Variants in MIS18A observed in about 807,000 individuals in gnomAD.
MIS18A encodes protein Mis18-alpha.
A neutral mutation model predicts 25.0 loss-of-function variants in MIS18A; 14 were observed. The ratio of observed to expected loss-of-function variants is 0.56; its 90% CI spans 0.37 to 0.88. The LOEUF (loss-of-function observed/expected upper bound fraction) is 0.88, where lower values mean the gene tolerates loss of function less well. Ranked by LOEUF, MIS18A falls within the 40% of genes least tolerant of loss-of-function variation. MIS18A has a pLI of 0.00. For synonymous variants in MIS18A, 134 were observed against 118.6 expected, an observed-to-expected ratio of 1.13 and a Z score of -0.84; for missense variants, 292 against 290.8, an observed-to-expected ratio of 1.00 and a Z score of -0.03.
chr21:32,196,700 C>T, the MIS18A span, among the ~76,000 whole-genome samples: 4 of 152,078 alleles, frequency 2.6e-5, no homozygotes, highest in Non-Finnish European at 4.4e-5. Flanking sequence ...ATGATCCGCC[C>T]GCCTTGGCCT....
At chr21:32,239,982 A>G in the MIS18A span, among the ~76,000 whole-genome samples, 13 of 152,244 alleles carry the variant, frequency 8.5e-5, no homozygotes, top group African/African-American at 2.2e-4. Context: ...TCTGGGTACT[A>G]TTGAAACAAA....
chr21:32,265,117 G>A (rs2031569084), downstream of MIS18A, among the ~76,000 whole-genome samples: 1 of 152,182 alleles, frequency 6.6e-6, no homozygotes. Flanking sequence ...GCTGGGTCCC[G>A]TGTGGTTTGG....
At chr21:32,220,945 GAAAC>G in the MIS18A span, among the ~76,000 whole-genome samples, 2 of 151,956 alleles carry the variant, frequency 1.3e-5, no homozygotes. Context: ...ATAATGAAAA[GAAAC>G]AAACAAAGCC....
At chr21:32,270,203 T>C (rs935021986) in intron 3 of MIS18A, among the ~76,000 whole-genome samples, 39 of 152,124 alleles carry the variant, frequency 2.6e-4, no homozygotes, top group Admixed American at 6.5e-5. Flanking sequence ...TCACAGTGTT[T>C]TCTCCTACAA....
chr21:32,175,646 G>A, the MIS18A span, among the ~76,000 whole-genome samples: 12 of 135,560 alleles, frequency 8.9e-5, no homozygotes, highest in South Asian at 2.4e-4. Flanking sequence ...GGTCTCTACT[G>A]AAAAAAAAAA....
the MIS18A span, among the ~76,000 whole-genome samples, chr21:32,184,942 G>A: frequency 1.3e-5 from 2 of 151,932 alleles, no homozygotes; most frequent in African/African-American, 4.8e-5. Flanking sequence ...CTCAGGGTCG[G>A]CTCCCACCAG....
chr21:32,250,434 T>A, the MIS18A span, among the ~76,000 whole-genome samples: 301 of 152,322 alleles, frequency 2.0e-3, 2 homozygotes, highest in Admixed American at 2.7e-3. Flanking sequence ...GCCAGGACTC[T>A]GAGCCCCAAT....
chr21:32,172,934 A>ATG, the MIS18A span, among the ~76,000 whole-genome samples: 1 of 152,098 alleles, frequency 6.6e-6, no homozygotes, highest in African/African-American at 2.4e-5. Flanking sequence ...TTCCAACCTC[A>ATG]CACCATAGCC....
chr21:32,159,611 C>T, the MIS18A span, among the ~76,000 whole-genome samples: 5 of 152,240 alleles, frequency 3.3e-5, no homozygotes, highest in East Asian at 1.9e-4. Context: ...CAGCTCTCAG[C>T]GGGGCCTGAG....
chr21:32,176,093 C>T, the MIS18A span, among the ~76,000 whole-genome samples: 16 of 152,032 alleles, frequency 1.1e-4, no homozygotes, highest in African/African-American at 1.9e-4. Flanking sequence ...GAATACCTCC[C>T]GAAGGACATG....
the MIS18A span, among the ~76,000 whole-genome samples, chr21:32,160,013 G>A: frequency 6.6e-6 from 1 of 152,164 alleles, no homozygotes; most frequent in African/African-American, 2.4e-5. Context: ...AAGGGGAAAG[G>A]GGATTCTCTA....
chr21:32,229,160 C>T, the MIS18A span, among the ~76,000 whole-genome samples: 1 of 152,032 alleles, frequency 6.6e-6, no homozygotes, highest in Non-Finnish European at 1.5e-5. Context: ...CTTACAAAAC[C>T]TGTGTTAACT....
chr21:32,193,499 GATA>G, the MIS18A span, among the ~76,000 whole-genome samples: 3,429 of 109,234 alleles, frequency 0.031, 84 homozygotes, highest in African/African-American at 0.077. Context: ...TAGATAGATA[GATA>G]GATAGATAGA....
chr21:32,170,357 C>T, the MIS18A span, among the ~76,000 whole-genome samples: 2 of 152,122 alleles, frequency 1.3e-5, no homozygotes, highest in Non-Finnish European at 2.9e-5. Flanking sequence ...TTTGACCAGA[C>T]TGAGAGCCCA....
At chr21:32,229,444 C>T in the MIS18A span, among the ~76,000 whole-genome samples, 6 of 152,122 alleles carry the variant, frequency 3.9e-5, no homozygotes, top group Non-Finnish European at 7.3e-5. Flanking sequence ...TTTTAATAAG[C>T]GCATAACCGA....
downstream of MIS18A, among the ~76,000 whole-genome samples, chr21:32,267,834 T>C (rs909099378): frequency 4.6e-5 from 7 of 152,188 alleles, no homozygotes; most frequent in East Asian, 1.9e-4. Context: ...CACAGCACCA[T>C]AGTCTGTTAG....
At chr21:32,187,139 G>A in the MIS18A span, among the ~76,000 whole-genome samples, 1 of 152,274 alleles carries the variant, frequency 6.6e-6, no homozygotes, top group South Asian at 2.1e-4. Context: ...GTATCTAAAG[G>A]GAAGGGCTAA....
chr21:32,236,808 A>C, the MIS18A span, among the ~76,000 whole-genome samples: 1 of 152,190 alleles, frequency 6.6e-6, no homozygotes, highest in Non-Finnish European at 1.5e-5. Context: ...TGGAGGGTTT[A>C]ACTTGGGAGC....
At chr21:32,193,389 C>G in the MIS18A span, among the ~76,000 whole-genome samples, 3 of 152,278 alleles carry the variant, frequency 2.0e-5, no homozygotes, top group African/African-American at 7.2e-5. Context: ...GAAACTCGCA[C>G]GTTTCAGCCC....
Sources: gnomAD v4.1 joint callset for allele counts (sites outside exome capture counted in the v4.1 genomes callset) on GRCh38, gnomAD v4.1.1 for gene constraint, MANE v1.5 for transcripts, NCBI Gene and HGNC (gene_info 2026-07-23, HGNC 2026-07-21) for gene names.